The following EHMT1 variants were observed in gnomAD, a reference collection of about 807,000 sequenced individuals.
EHMT1 encodes histone-lysine N-methyltransferase EHMT1.
EHMT1 carries 15 observed loss-of-function variants against 147.2 expected under a neutral mutation model. The observed-to-expected ratio is 0.10, with a 90% CI of 0.07 to 0.16. The LOEUF (loss-of-function observed/expected upper bound fraction) is 0.16. EHMT1 is among the 10% of genes least tolerant of loss of function. The probability of loss-of-function intolerance (pLI) is 1.00; values close to 1 mark genes in which losing one functional copy is unlikely to be tolerated. For synonymous variants in EHMT1, 795 were observed against 709.6 expected, an observed-to-expected ratio of 1.12 and a Z score of -1.91; for missense variants, 1,587 against 1,772.4, an observed-to-expected ratio of 0.90 and a Z score of 1.88.
chr9:137,632,707 A>G (rs1772780784), intron 1 of EHMT1, among the ~76,000 whole-genome samples: 1 of 152,034 alleles, frequency 6.6e-6, no homozygotes, highest in African/African-American at 2.4e-5. Flanking sequence ...CCCAGCCTAG[A>G]CCACTTTTTA....
At chr9:137,811,643 G>A (rs1456984662) in intron 19 of EHMT1, 28 bp downstream of exon 19, 1 of 1,599,100 alleles carries the variant, frequency 6.3e-7, no homozygotes. Flanking sequence ...CCCAGCGCGG[G>A]CTGGCGCTGA....
chr9:137,696,323 C>G (rs1943391080), intron 1 of EHMT1, among the ~76,000 whole-genome samples: 1 of 152,128 alleles, frequency 6.6e-6, no homozygotes, highest in South Asian at 2.1e-4. Context: ...TGCTTCCCAT[C>G]TTGGAGAAGC....
chr9:137,649,215 G>A (rs545605471), intron 1 of EHMT1, among the ~76,000 whole-genome samples: 4 of 152,174 alleles, frequency 2.6e-5, no homozygotes, highest in East Asian at 3.9e-4. Context: ...AGGCCAAGGC[G>A]GGTGGATCAT....
intron 13 of EHMT1, 118 bp downstream of exon 13, chr9:137,778,173 A>T (rs1313273242): frequency 9.3e-6 from 12 of 1,290,726 alleles, no homozygotes; most frequent in Non-Finnish European, 1.2e-5. Context: ...GCTGTTCGTT[A>T]GAATAATTCG....
intron 1 of EHMT1, among the ~76,000 whole-genome samples, chr9:137,624,303 G>T (rs1843120036): frequency 6.7e-6 from 1 of 148,336 alleles, no homozygotes; most frequent in Admixed American, 6.7e-5. Context: ...ACTATGCCCG[G>T]CCTCTTTTTT....
Position 137,819,506 on chromosome 9 carries a change from G to A in EHMT1, c.3540+1368G>A. On this transcript the variant is annotated intron_variant, in intron 25 of 26. Coordinates refer to ENST00000460843, the MANE Select transcript of EHMT1 (RefSeq NM_024757.5). Reference sequence around the variant, plus strand: ...CGAGACCGTAGAGAGGCCGACTTAGGGGCGCCGTGTACCGAGACCGTAGAG... The same window carrying A: ...CGAGACCGTAGAGAGGCCGACTTAGAGGCGCCGTGTACCGAGACCGTAGAG... 4.2e-3 allele frequency among the ~76,000 whole-genome samples: 6 copies of A among 1,426 alleles called. 3 individuals carry two copies. In the African/African-American group the frequency reaches 0.079, roughly 19 times the overall value. 0.9% of individuals were successfully genotyped at this position (1,426 alleles called of 152,430 possible). A position where few individuals can be genotyped will look rare whatever the true frequency, so the allele number is the denominator to read the frequency against.
At chr9:137,718,754 CT>C (rs1163532857) in intron 3 of EHMT1, among the ~76,000 whole-genome samples, 1 of 146,340 alleles carries the variant, frequency 6.8e-6, no homozygotes, top group African/African-American at 2.7e-5. Flanking sequence ...TTTTCTTTTT[CT>C]TTTTCTTTTT....
chr9:137,805,665 CT>C lies in EHMT1; in HGVS notation c.2712+4696del, dbSNP rs869054500. Among the ~76,000 whole-genome samples the C allele has an allele frequency of 4.8e-3, 685 of 142,064 alleles. 1 individual carries two copies. Among genetic ancestry groups the C allele is most frequent in the Admixed American group, 5.4e-3 (76 of 14,144 alleles). 93.2% of individuals were successfully genotyped at this position (142,064 alleles called of 152,430 possible). The stretch of plus-strand genomic sequence containing the variant: ...TTATTCTGTTTAAACAGTCAGTGGT[CT>C]TTTTTTTTTTTTTTAAGATGGAGTC... On this transcript the variant is annotated intron_variant, in intron 18 of 26. Coordinates refer to ENST00000460843, the MANE Select transcript of EHMT1 (RefSeq NM_024757.5).
At chr9:137,799,606 G>T (rs1953276745) in intron 17 of EHMT1, among the ~76,000 whole-genome samples, 1 of 152,128 alleles carries the variant, frequency 6.6e-6, no homozygotes, top group African/African-American at 2.4e-5. Context: ...ATGCACTGGG[G>T]GTCCCTCCTG....
At chr9:137,810,807 C>T (rs1345016510) in intron 18 of EHMT1, among the ~76,000 whole-genome samples, 1 of 151,892 alleles carries the variant, frequency 6.6e-6, no homozygotes, top group Non-Finnish European at 1.5e-5. Context: ...TCAAGCAATT[C>T]TCCTGCCTCA....
rs893244796 is a variant in EHMT1 at position 137,817,253 on chromosome 9, C to T, written c.3375-186C>T. ...GGCTGGGGTGCTCCTGGCTGATCCC[C>T]GGGTTCTTGGCTCCCTGAGAGTGCG... On this transcript the variant is annotated intron_variant, in intron 23 of 26. Transcript: ENST00000460843. 27 of 687,038 alleles carry T rather than the reference C, an allele frequency of 3.9e-5. No homozygotes were observed. The East Asian group carries it at 4.4e-4, about 11-fold the overall frequency. The allele number at this position is 687,038 out of a possible 1,614,324, so 42.6% of individuals were successfully genotyped here.
chr9:137,669,641 T>C (rs947254905), intron 1 of EHMT1, among the ~76,000 whole-genome samples: 1 of 151,602 alleles, frequency 6.6e-6, no homozygotes, highest in Non-Finnish European at 1.5e-5. Flanking sequence ...CACCTTCACT[T>C]TTTGCTCTCT....
chr9:137,798,173 G>A (rs1425685376), intron 16 of EHMT1, among the ~76,000 whole-genome samples: 1 of 152,176 alleles, frequency 6.6e-6, no homozygotes, highest in Non-Finnish European at 1.5e-5. Context: ...ACCAAAGTGG[G>A]AGGATTGCTT....
At chr9:137,651,279 T>C (rs982970491) in intron 1 of EHMT1, among the ~76,000 whole-genome samples, 5 of 152,222 alleles carry the variant, frequency 3.3e-5, no homozygotes, top group African/African-American at 1.2e-4. Context: ...ATTTATCCCT[T>C]TGTTCTTTGT....
chr9:137,635,466 T>C (rs909617912), intron 1 of EHMT1, among the ~76,000 whole-genome samples: 10 of 151,074 alleles, frequency 6.6e-5, no homozygotes, highest in South Asian at 4.2e-4. Context: ...TCGCCCTCCT[T>C]GGCCTCCCAA....
chr9:137,834,170 G>C (rs908559991), intron 25 of EHMT1, 179 bp from the exon 26 acceptor site: 2 of 784,400 alleles, frequency 2.5e-6, no homozygotes, highest in African/African-American at 3.5e-5. Context: ...GCCACACAGC[G>C]AGGAGAAGGC....
chr9:137,796,814 C>A (rs75691243), intron 16 of EHMT1, among the ~76,000 whole-genome samples: 19 of 68,110 alleles, frequency 2.8e-4, no homozygotes, highest in Non-Finnish European at 4.3e-4. Flanking sequence ...CAGATGAAAA[C>A]ACAGGACTGA....
chr9:137,782,418 C>T lies in EHMT1; in HGVS notation c.2382+21C>T, dbSNP rs540597841. On this transcript the variant is annotated intron_variant, in intron 15 of 26. Coordinates refer to ENST00000460843, the MANE Select transcript of EHMT1 (RefSeq NM_024757.5). This position sits in a 1 kb window ranked among gnomAD's most constrained non-coding sequence, Gnocchi z 5.7. The stretch of plus-strand genomic sequence containing the variant: ...TTCAGGTGCGGCGGCACGGCGCCCT[C>T]CTAGGGCTCTTCACCTGCTCTCTTT... The T allele has an allele frequency of 2.5e-6, 4 of 1,588,946 alleles. No homozygotes were observed. The African/African-American group carries it at 5.4e-5, about 21-fold the overall frequency.
chr9:137,810,856 C>T (rs192599884), intron 18 of EHMT1, among the ~76,000 whole-genome samples: 155 of 152,150 alleles, frequency 1.0e-3, no homozygotes, highest in Admixed American at 3.0e-3. Flanking sequence ...CCCACCACCA[C>T]GCCCGGCTCA....
Sources: allele counts gnomAD v4.1 joint callset (sites outside exome capture counted in the v4.1 genomes callset), GRCh38; gene constraint gnomAD v4.1.1; non-coding constraint Gnocchi (gnomAD v3.1); transcripts MANE v1.5; gene names NCBI Gene and HGNC (gene_info 2026-07-23, HGNC 2026-07-21).